BLTP2: variants seen among roughly 807,000 people sequenced by gnomAD.
BLTP2 encodes bridge-like lipid transfer protein family member 2.
the BLTP2 span, among the ~76,000 whole-genome samples, chr17:28,629,996 G>A: frequency 6.6e-6 from 1 of 152,096 alleles, no homozygotes; most frequent in South Asian, 2.1e-4. Flanking sequence ...TAAATAGCTA[G>A]GACTACAGGT....
At chr17:28,620,454 A>C in the BLTP2 span, 3 of 1,593,950 alleles carry the variant, frequency 1.9e-6, no homozygotes, top group Non-Finnish European at 2.6e-6. Context: ...AATAAAGCAC[A>C]AAGTCTGGGT....
the BLTP2 span, chr17:28,631,954 G>A: frequency 1.2e-6 from 2 of 1,609,346 alleles, no homozygotes; most frequent in East Asian, 4.5e-5. Flanking sequence ...AACAAAGGAT[G>A]GCATGAGAGG....
At chr17:28,623,086 A>C in the BLTP2 span, among the ~76,000 whole-genome samples, 1 of 152,060 alleles carries the variant, frequency 6.6e-6, no homozygotes, top group Non-Finnish European at 1.5e-5. Flanking sequence ...AAAACAAACA[A>C]ACAAAAAAAA....
chr17:28,644,287 A>C, the BLTP2 span: 1 of 1,306,784 alleles, frequency 7.7e-7, no homozygotes, highest in Middle Eastern at 2.0e-4. Context: ...TCGTTCCTGA[A>C]ACTGGATCTG....
At chr17:28,641,639 T>A in the BLTP2 span, among the ~76,000 whole-genome samples, 1 of 149,562 alleles carries the variant, frequency 6.7e-6, no homozygotes, top group Non-Finnish European at 1.5e-5. Flanking sequence ...AGACTCCATC[T>A]TTTTTTTTAA....
chr17:28,633,798 T>C, the BLTP2 span: 1 of 1,600,876 alleles, frequency 6.2e-7, no homozygotes. Flanking sequence ...ACATTACCCC[T>C]CTCTTCCTCC....
At chr17:28,615,836 G>T in the BLTP2 span, 1 of 1,609,730 alleles carries the variant, frequency 6.2e-7, no homozygotes, top group Admixed American at 1.7e-5. Context: ...AAAAAGAGGG[G>T]TGGGGAATAC....
chr17:28,624,904 T>G, the BLTP2 span, among the ~76,000 whole-genome samples: 2 of 152,208 alleles, frequency 1.3e-5, no homozygotes, highest in African/African-American at 2.4e-5. Flanking sequence ...TTAATGGGTT[T>G]GTCTAACAGA....
the BLTP2 span, chr17:28,642,827 G>A: frequency 3.5e-6 from 4 of 1,141,226 alleles, no homozygotes; most frequent in Non-Finnish European, 5.3e-6. Flanking sequence ...CAACTCTGAG[G>A]CAAGAATAGG....
the BLTP2 span, chr17:28,635,840 C>G: frequency 2.2e-6 from 1 of 460,716 alleles, no homozygotes; most frequent in Admixed American, 3.9e-5. Context: ...AAGTTCTCTT[C>G]AACTGGATTC....
the BLTP2 span, chr17:28,617,292 T>C: frequency 2.5e-6 from 4 of 1,614,144 alleles, no homozygotes; most frequent in South Asian, 4.4e-5. Context: ...CCAGAAGATG[T>C]TCTGCTGTGT....
chr17:28,638,788 G>C, the BLTP2 span: 1 of 601,208 alleles, frequency 1.7e-6, no homozygotes, highest in East Asian at 2.7e-5. Context: ...AAGATAAAAG[G>C]CTGAACTCAT....
the BLTP2 span, among the ~76,000 whole-genome samples, chr17:28,626,398 T>C: frequency 6.6e-6 from 1 of 152,216 alleles, no homozygotes; most frequent in South Asian, 2.1e-4. Context: ...TATTTGGTCT[T>C]CCCTGCTTCC....
At chr17:28,633,455 C>G in the BLTP2 span, 1 of 1,580,316 alleles carries the variant, frequency 6.3e-7, no homozygotes, top group East Asian at 2.2e-5. Context: ...CCATCCTCAT[C>G]TCCCAAATCA....
the BLTP2 span, chr17:28,639,401 C>T: frequency 2.9e-5 from 46 of 1,613,700 alleles, no homozygotes; most frequent in South Asian, 4.6e-4. Context: ...ATTCCTGGTG[C>T]CGGTAGTGAA....
chr17:28,636,954 A>C, the BLTP2 span: 1 of 1,612,284 alleles, frequency 6.2e-7, no homozygotes, highest in Non-Finnish European at 8.5e-7. Flanking sequence ...ACCTCTCCAC[A>C]GGAACATTAC....
At chr17:28,626,084 T>C in the BLTP2 span, among the ~76,000 whole-genome samples, 60 of 152,268 alleles carry the variant, frequency 3.9e-4, no homozygotes, top group African/African-American at 1.3e-3. Flanking sequence ...TGCTTCTTAC[T>C]GAGACACCAT....
the BLTP2 span, chr17:28,632,134 A>G: frequency 6.2e-7 from 1 of 1,614,202 alleles, no homozygotes; most frequent in Non-Finnish European, 8.5e-7. Context: ...GTTATTGAAG[A>G]GCTTTCCCCT....
chr17:28,618,692 A>T, the BLTP2 span: 1 of 907,322 alleles, frequency 1.1e-6, no homozygotes, highest in Non-Finnish European at 1.7e-6. Context: ...ATCATACAAT[A>T]ATTAACCCCC....
Sources: allele counts gnomAD v4.1 joint callset (sites outside exome capture counted in the v4.1 genomes callset), GRCh38; gene constraint gnomAD v4.1.1; transcripts MANE v1.5; gene names NCBI Gene and HGNC (gene_info 2026-07-23, HGNC 2026-07-21).